Variants in RPS6KC1 observed in about 807,000 individuals in gnomAD.
RPS6KC1 encodes the protein inactive ribosomal protein S6 kinase delta-1.
In RPS6KC1, 54 loss-of-function variants were observed where a neutral mutation model predicts 103.8. The ratio of observed to expected loss-of-function variants is 0.52; its 90% confidence interval spans 0.42 to 0.65. The LOEUF (loss-of-function observed/expected upper bound fraction) is 0.65. Among genes scored for constraint, RPS6KC1 ranks in the 30% least tolerant of loss-of-function variants. The pLI is 0.00. For synonymous variants in RPS6KC1, 439 were observed against 438.7 expected (o/e 1.00, Z -0.01); for missense variants, 1,151 against 1,253.8 (o/e 0.92, Z 1.24).
the RPS6KC1 span, among the ~76,000 whole-genome samples, chr1:213,600,382 C>A: frequency 6.6e-6 from 1 of 152,188 alleles, no homozygotes; most frequent in Non-Finnish European, 1.5e-5. Flanking sequence ...CTTTTGCCTT[C>A]ATCAAAATCA....
At chr1:213,726,689 T>C in the RPS6KC1 span, among the ~76,000 whole-genome samples, 2 of 152,238 alleles carry the variant, frequency 1.3e-5, no homozygotes, top group Non-Finnish European at 2.9e-5. Flanking sequence ...TCTGTATCTA[T>C]CTATTGATGT....
the RPS6KC1 span, among the ~76,000 whole-genome samples, chr1:213,324,563 A>G: frequency 1.3e-4 from 20 of 148,928 alleles, no homozygotes; most frequent in African/African-American, 4.0e-4. Flanking sequence ...TAATACAGAC[A>G]CTATTCAACC....
chr1:213,267,043 G>C (rs1044117708), intron 14 of RPS6KC1, among the ~76,000 whole-genome samples: 1 of 151,806 alleles, frequency 6.6e-6, no homozygotes, highest in Admixed American at 6.6e-5. Context: ...GTTCTGCCAG[G>C]GTAGGGTAAA....
chr1:213,604,068 C>A, the RPS6KC1 span, among the ~76,000 whole-genome samples: 7 of 151,822 alleles, frequency 4.6e-5, no homozygotes, highest in African/African-American at 1.2e-4. Flanking sequence ...GAAATCAAGG[C>A]AATACTGTTC....
the RPS6KC1 span, among the ~76,000 whole-genome samples, chr1:213,484,429 T>C: frequency 1.7e-4 from 26 of 152,334 alleles, no homozygotes; most frequent in Non-Finnish European, 3.4e-4. Context: ...GTTTATGTGG[T>C]TGTTGGCAAG....
chr1:213,836,243 C>T, the RPS6KC1 span, among the ~76,000 whole-genome samples: 3 of 151,394 alleles, frequency 2.0e-5, no homozygotes, highest in Non-Finnish European at 2.9e-5. Context: ...AATTGGATGA[C>T]CAGATTCAAC....
intron 8 of RPS6KC1, among the ~76,000 whole-genome samples, chr1:213,219,252 G>GA (rs1256732258): frequency 1.3e-5 from 2 of 152,150 alleles, no homozygotes; most frequent in African/African-American, 4.8e-5. Flanking sequence ...ACAGACACAT[G>GA]AAAAAATGCT....
chr1:213,664,257 G>A, the RPS6KC1 span, among the ~76,000 whole-genome samples: 1 of 151,936 alleles, frequency 6.6e-6, no homozygotes. Context: ...GCGGGAAGCA[G>A]GACCGTGGCT....
chr1:213,859,441 G>A, the RPS6KC1 span, among the ~76,000 whole-genome samples: 28 of 152,184 alleles, frequency 1.8e-4, no homozygotes, highest in Non-Finnish European at 3.4e-4. Flanking sequence ...TCAAGCAACA[G>A]CAAACATTTT....
the RPS6KC1 span, among the ~76,000 whole-genome samples, chr1:213,512,396 C>T: frequency 2.6e-5 from 4 of 152,130 alleles, no homozygotes; most frequent in South Asian, 8.3e-4. Flanking sequence ...CATTCTTGCC[C>T]CAATTTGGGG....
At chr1:213,805,025 C>T in the RPS6KC1 span, among the ~76,000 whole-genome samples, 2 of 152,310 alleles carry the variant, frequency 1.3e-5, no homozygotes, top group East Asian at 1.9e-4. Flanking sequence ...CTGTAGTCTA[C>T]GAAGTGAGCA....
the RPS6KC1 span, among the ~76,000 whole-genome samples, chr1:213,400,762 A>G: frequency 2.0e-5 from 3 of 150,378 alleles, no homozygotes; most frequent in Admixed American, 2.0e-4. Flanking sequence ...GCTGGAGTGC[A>G]GTGGCGCGAT....
chr1:213,124,357 T>A (rs989988343), intron 5 of RPS6KC1, among the ~76,000 whole-genome samples: 1 of 152,198 alleles, frequency 6.6e-6, no homozygotes, highest in Non-Finnish European at 1.5e-5. Flanking sequence ...AAATAGTCTC[T>A]GTATTATGTC....
the RPS6KC1 span, among the ~76,000 whole-genome samples, chr1:213,431,233 C>G: frequency 1.3e-5 from 2 of 152,126 alleles, no homozygotes; most frequent in African/African-American, 4.8e-5. Flanking sequence ...ATGGGCAAGA[C>G]TGTATCTAGG....
chr1:213,162,434 C>A (rs1435852702), intron 6 of RPS6KC1, among the ~76,000 whole-genome samples: 1 of 151,992 alleles, frequency 6.6e-6, no homozygotes, highest in Non-Finnish European at 1.5e-5. Context: ...GTGTGTACCA[C>A]CAGGCCTGGC....
At chr1:213,451,568 C>T in the RPS6KC1 span, among the ~76,000 whole-genome samples, 8 of 152,342 alleles carry the variant, frequency 5.3e-5, no homozygotes, top group South Asian at 4.1e-4. Context: ...GGGGAGGTCG[C>T]GTGGCTCCTG....
At chr1:213,131,333 C>T (rs1477775246) in intron 6 of RPS6KC1, among the ~76,000 whole-genome samples, 1 of 152,074 alleles carries the variant, frequency 6.6e-6, no homozygotes, top group Non-Finnish European at 1.5e-5. Context: ...TTAATATTAG[C>T]TATCACTTTT....
the RPS6KC1 span, among the ~76,000 whole-genome samples, chr1:213,295,829 CAGAGCA>C: frequency 6.6e-6 from 1 of 152,110 alleles, no homozygotes; most frequent in East Asian, 1.9e-4. Context: ...GGAGGAACAG[CAGAGCA>C]AGAGGGAAGA....
At chr1:213,144,426 A>G (rs1244719762) in intron 6 of RPS6KC1, among the ~76,000 whole-genome samples, 6 of 151,916 alleles carry the variant, frequency 3.9e-5, no homozygotes, top group African/African-American at 1.4e-4. Context: ...TAGCTGTGAA[A>G]AAATTCATAG....
Sources: allele counts gnomAD v4.1 joint callset (sites outside exome capture counted in the v4.1 genomes callset), GRCh38; gene constraint gnomAD v4.1.1; transcripts MANE v1.5; gene names NCBI Gene and HGNC (gene_info 2026-07-23, HGNC 2026-07-21).